ADAT3: variants seen among roughly 807,000 people sequenced by gnomAD.
ADAT3 encodes tRNA-specific adenosine-34 deaminase regulatory subunit ADAT3.
A neutral mutation model predicts 3.5 loss-of-function variants in ADAT3; 2 were observed. The ratio of observed to expected loss-of-function variants is 0.57; its 90% CI spans 0.23 to 1.79. The LOEUF (loss-of-function observed/expected upper bound fraction) is 1.79. ADAT3 is among the 40% of genes most tolerant of loss of function. The pLI, the probability that ADAT3 is intolerant of heterozygous loss-of-function variation, is 0.18. For missense variants in ADAT3, 735 were observed against 571.4 expected (o/e 1.29, Z -2.92); for synonymous variants, 358 against 270.3 (o/e 1.32, Z -3.18).
chr19:1,910,931 A>T (rs1257438254), intron 1 of ADAT3, among the ~76,000 whole-genome samples: 1 of 150,810 alleles, frequency 6.6e-6, no homozygotes, highest in Admixed American at 6.6e-5. Context: ...CAGTGGCGCG[A>T]TCTCGGCTCA....
At chr19:1,911,127 G>A (rs1006731119) in intron 1 of ADAT3, among the ~76,000 whole-genome samples, 4 of 151,630 alleles carry the variant, frequency 2.6e-5, no homozygotes, top group Admixed American at 6.6e-5. Flanking sequence ...CGCCTGCCTC[G>A]GCCTCCCAAA....
chr19:1,906,976 AG>A (rs1599228262), intron 1 of ADAT3: 1 of 151,990 alleles, frequency 6.6e-6, no homozygotes, highest in Non-Finnish European at 1.5e-5. Flanking sequence ...TCACAAGGTC[AG>A]GAGTTCGAGA....
chr19:1,911,504 G>C (rs1360231640), intron 1 of ADAT3, among the ~76,000 whole-genome samples: 1 of 152,312 alleles, frequency 6.6e-6, no homozygotes, highest in East Asian at 1.9e-4. Context: ...GACCTGTCTT[G>C]GCTGGGCGCA....
In ADAT3 at chr19:1,912,603, C is replaced by T. The variant is rs772802572; in HGVS notation, c.556C>T (p.Arg186Cys). 1.3e-6 allele frequency: 2 copies of T among 1,485,924 alleles called. No individual in the cohort carries two copies. Among genetic ancestry groups the T allele is most frequent in the South Asian group, 1.3e-5 (1 of 79,128 alleles). 92.0% of individuals were successfully genotyped at this position (1,485,924 alleles called of 1,614,324 possible). The change falls in exon 2 of 2, where the codon CGC (arginine) becomes TGC (cysteine). Residue 186 changes from arginine to cysteine, a missense_variant. Coordinates refer to ENST00000329478, the MANE Select transcript of ADAT3 (RefSeq NM_138422.4). ...TGGGCGGCTCTTCTCCACGCAGGAGCGCGCCGCCATGCAGAGCCACATGGA... is the reference window on the plus strand; with the variant it reads ...TGGGCGGCTCTTCTCCACGCAGGAGTGCGCCGCCATGCAGAGCCACATGGA... ...LAGRLFSTQE[R>C]AAMQSHMERA...
In ADAT3 at chr19:1,913,076, C is replaced by G; in HGVS notation, c.1029C>G (p.Pro343=). 6.2e-7 allele frequency: 1 copy of G among 1,601,592 alleles called. No homozygotes were observed. Among genetic ancestry groups the G allele is most frequent in the Non-Finnish European group, 8.5e-7 (1 of 1,178,452 alleles). The part of the protein sequence containing the change: ...LGTRFRIHAR[P]DLNHRFQVFR... ...CCCGCTTCCGCATCCACGCACGGCC[C>G]GACCTCAACCACCGCTTCCAGGTGT... is the stretch of plus-strand genomic sequence containing the variant. The change falls in exon 2 of 2, where the codon CCC becomes CCG. Residue 343 remains proline (P), a synonymous_variant. Transcript: ENST00000329478.
intron 1 of ADAT3, chr19:1,905,678 C>T (rs1057212122): frequency 2.6e-5 from 4 of 155,696 alleles, no homozygotes; most frequent in Non-Finnish European, 5.8e-5. Flanking sequence ...CTCAGGACCG[C>T]GCTCCCCCGG....
rs2013528351 is a variant in ADAT3 at position 1,912,604 on chromosome 19, G to A, written c.557G>A (p.Arg186His). 2.0e-6 allele frequency: 3 copies of A among 1,484,342 alleles called. No homozygotes were observed. Among genetic ancestry groups the A allele is most frequent in the East Asian group, 2.8e-5 (1 of 35,112 alleles). The allele number at this position is 1,484,342 out of a possible 1,614,324, so 91.9% of individuals were successfully genotyped here. A position where few individuals can be genotyped will look rare whatever the true frequency, so the allele number is the denominator to read the frequency against. ...LAGRLFSTQE[R>H]AAMQSHMERA... ...GGGCGGCTCTTCTCCACGCAGGAGC[G>A]CGCCGCCATGCAGAGCCACATGGAG... The change falls in exon 2 of 2, where the codon CGC becomes CAC. Residue 186 changes from arginine (R) to histidine (H), a missense_variant. Coordinates refer to ENST00000329478, the MANE Select transcript of ADAT3 (RefSeq NM_138422.4).
In ADAT3 at chr19:1,912,394, C is replaced by G; in HGVS notation, c.347C>G (p.Ala116Gly). The change falls in exon 2 of 2, where the codon GCC (alanine) becomes GGC (glycine). Residue 116 changes from alanine (A) to glycine (G), a missense_variant. Physicochemically the swap from Ala to Gly is moderately conservative, Grantham distance 60. Transcript: ENST00000329478. Reference protein sequence around the residue: ...LEMLLCLAGPASGPRSLAELL... With the variant: ...LEMLLCLAGPGSGPRSLAELL... Reference sequence around the variant, plus strand: ...ATGCTGCTTTGCCTGGCTGGGCCGGCCTCGGGCCCGCGCTCGCTGGCTGAG... The same window carrying G: ...ATGCTGCTTTGCCTGGCTGGGCCGGGCTCGGGCCCGCGCTCGCTGGCTGAG... 1 of 1,517,828 alleles carries G rather than the reference C, an allele frequency of 6.6e-7. No homozygotes were observed. 94.0% of individuals were successfully genotyped at this position (1,517,828 alleles called of 1,614,324 possible). A position where few individuals can be genotyped will look rare whatever the true frequency, so the allele number is the denominator to read the frequency against.
In ADAT3 at chr19:1,913,245, C is replaced by T; in HGVS notation, c.*94C>T. ...CTCGATTTCTTCCGCACAAGCCTGA[C>T]CGTGGATTTCAGGGACACATACCGC... On this transcript the variant is annotated 3_prime_UTR_variant, in exon 2 of 2. Coordinates refer to ENST00000329478, the MANE Select transcript of ADAT3 (RefSeq NM_138422.4). The T allele has an allele frequency of 7.0e-7, 1 of 1,437,612 alleles. No homozygotes were observed. Among genetic ancestry groups the T allele is most frequent in the South Asian group, 1.5e-5 (1 of 67,588 alleles). The allele number at this position is 1,437,612 out of a possible 1,614,324, so 89.1% of individuals were successfully genotyped here.
chr19:1,905,640 G>GCT (rs1258519434), intron 1 of ADAT3: 1 of 158,754 alleles, frequency 6.3e-6, no homozygotes, highest in Non-Finnish European at 1.4e-5. Context: ...GCGTGCGCGC[G>GCT]CGCGCGCGGC....
Position 1,912,607 on chromosome 19 carries a change from C to A in ADAT3, c.560C>A (p.Ala187Asp). ...CGGCTCTTCTCCACGCAGGAGCGCG[C>A]CGCCATGCAGAGCCACATGGAGCGG... Reference protein sequence around the residue: ...AGRLFSTQERAAMQSHMERAV... With the variant: ...AGRLFSTQERDAMQSHMERAV... Residue 187 changes from alanine to aspartate, a missense_variant, in exon 2 of 2, where the codon GCC becomes GAC. Physicochemically the swap from Ala to Asp is moderately radical, Grantham distance 126 (BLOSUM62 -2). Coordinates refer to ENST00000329478, the MANE Select transcript of ADAT3 (RefSeq NM_138422.4). 1 of 1,483,882 alleles carries A rather than the reference C, an allele frequency of 6.7e-7. No individual in the cohort carries two copies. The highest frequency in any genetic ancestry group is 1.5e-5 in the African/African-American group (1 of 68,306). The allele number at this position is 1,483,882 out of a possible 1,614,324, so 91.9% of individuals were successfully genotyped here.
chr19:1,909,100 G>A (rs1231174235), intron 1 of ADAT3, among the ~76,000 whole-genome samples: 2 of 145,926 alleles, frequency 1.4e-5, no homozygotes, highest in African/African-American at 5.1e-5. Context: ...GTGAGACTCT[G>A]TCTGAAAAAA....
At position 1,912,975 on chromosome 19, in the gene ADAT3, T is replaced by G; in HGVS notation, c.928T>G (p.Cys310Gly). 1 of 1,609,972 alleles carries G rather than the reference T, an allele frequency of 6.2e-7. No homozygotes were observed. ...CGTGACCCGCGAGCCCTGCGCCATGTGCGCCATGGCCCTGGTGCACGCACG... is the reference window on the plus strand; with the variant it reads ...CGTGACCCGCGAGCCCTGCGCCATGGGCGCCATGGCCCTGGTGCACGCACG... ...LYVTREPCAM[C>G]AMALVHARIL... The change falls in exon 2 of 2, where the codon TGC (cysteine) becomes GGC (glycine). Residue 310 changes from cysteine to glycine, a missense_variant. Transcript: ENST00000329478.
Position 1,911,913 on chromosome 19 carries a change from G to A in ADAT3, c.-135G>A, listed in dbSNP as rs2013470717. 2 of 1,166,764 alleles carry A rather than the reference G, an allele frequency of 1.7e-6. No individual in the cohort carries two copies. The highest frequency in any genetic ancestry group is 2.3e-6 in the Non-Finnish European group (2 of 879,526). The allele number at this position is 1,166,764 out of a possible 1,614,324, so 72.3% of individuals were successfully genotyped here. On this transcript the variant is annotated 5_prime_UTR_variant, in exon 2 of 2. Transcript: ENST00000329478. The stretch of plus-strand genomic sequence containing the variant: ...AGGGGTTAGCAGGACATGAGGGAGT[G>A]TAGCTCTGATGCGGTGACCTGGGCC...
chr19:1,911,639 C>T (rs750976681), intron 1 of ADAT3, among the ~76,000 whole-genome samples: 2 of 152,062 alleles, frequency 1.3e-5, no homozygotes, highest in African/African-American at 2.4e-5. Context: ...AAAAATTAGT[C>T]GGGCGTGGTG....
intron 1 of ADAT3, among the ~76,000 whole-genome samples, chr19:1,911,483 C>T (rs918681901): frequency 3.3e-5 from 5 of 152,202 alleles, no homozygotes; most frequent in Non-Finnish European, 5.9e-5. Flanking sequence ...ATGAATTGTG[C>T]TTTTGAAAAT....
rs749836878 is a variant in ADAT3, at chr19:1,912,396, T to G, written c.349T>G (p.Ser117Ala). ...EMLLCLAGPA[S>A]GPRSLAELLP... ...GCTGCTTTGCCTGGCTGGGCCGGCC[T>G]CGGGCCCGCGCTCGCTGGCTGAGCT... The change falls in exon 2 of 2, where the codon TCG (serine) becomes GCG (alanine). Residue 117 changes from serine (S) to alanine (A), a missense_variant. By Grantham distance (99) the Ser-to-Ala change is moderately conservative. Transcript: ENST00000329478. 74 of 1,517,124 alleles carry G rather than the reference T, an allele frequency of 4.9e-5. No homozygotes were observed. The highest frequency in any genetic ancestry group is 4.1e-5 in the Admixed American group (2 of 49,162). 94.0% of individuals were successfully genotyped at this position (1,517,124 alleles called of 1,614,324 possible). A position where few individuals can be genotyped will look rare whatever the true frequency, so the allele number is the denominator to read the frequency against.
chr19:1,910,538 G>A (rs2013386128), intron 1 of ADAT3, among the ~76,000 whole-genome samples: 1 of 150,926 alleles, frequency 6.6e-6, no homozygotes, highest in South Asian at 2.1e-4. Context: ...AAGAGCCACT[G>A]AATAGGACAC....
chr19:1,912,473 G>A lies in ADAT3; in HGVS notation c.426G>A (p.Val142=). 1.3e-6 allele frequency: 2 copies of A among 1,500,286 alleles called. No homozygotes were observed. Among genetic ancestry groups the A allele is most frequent in the Non-Finnish European group, 1.8e-6 (2 of 1,132,076 alleles). The allele number at this position is 1,500,286 out of a possible 1,614,324, so 92.9% of individuals were successfully genotyped here. A position where few individuals can be genotyped will look rare whatever the true frequency, so the allele number is the denominator to read the frequency against. The change falls in exon 2 of 2, where the codon GTG becomes GTA. Residue 142 remains valine (V), a synonymous_variant. Coordinates refer to ENST00000329478, the MANE Select transcript of ADAT3 (RefSeq NM_138422.4). Reference sequence around the variant, plus strand: ...GCGGCCTGGGGCAACCCTTCCTGGTGCCCGTGCCCGCCCGGCCGCCTCTGA... The same window carrying A: ...GCGGCCTGGGGCAACCCTTCCTGGTACCCGTGCCCGCCCGGCCGCCTCTGA... ...DPRGLGQPFL[V]PVPARPPLTR...
Sources: allele counts gnomAD v4.1 joint callset (sites outside exome capture counted in the v4.1 genomes callset), GRCh38; gene constraint gnomAD v4.1.1; transcripts MANE v1.5; gene names NCBI Gene and HGNC (gene_info 2026-07-23, HGNC 2026-07-21).